Variants in FBXL5 observed in about 807,000 individuals in gnomAD.
FBXL5 encodes the protein F-box and leucine rich repeat protein 5, also known as F-box/LRR-repeat protein 5.
In FBXL5, 26 loss-of-function variants were observed where a neutral mutation model predicts 78.3. The observed-to-expected ratio is 0.33, with a 90% confidence interval of 0.24 to 0.46. The LOEUF is 0.46. Among genes scored for constraint, FBXL5 ranks in the 20% least tolerant of loss-of-function variants. The pLI, the probability that FBXL5 is intolerant of heterozygous loss-of-function variation, is 1.00. For missense variants in FBXL5, 710 were observed against 829.2 expected (o/e 0.86, Z 1.77); for synonymous variants, 295 against 282.5 (o/e 1.04, Z -0.45).
intron 3 of FBXL5, among the ~76,000 whole-genome samples, chr4:15,640,013 A>G (rs1232305629): frequency 1.3e-5 from 2 of 152,150 alleles, no homozygotes; most frequent in African/African-American, 4.8e-5. Context: ...ACCCTAATAC[A>G]TGTACAGTAG....
chr4:15,633,211 T>C (rs957672300), intron 5 of FBXL5, among the ~76,000 whole-genome samples: 14 of 152,220 alleles, frequency 9.2e-5, no homozygotes, highest in African/African-American at 2.4e-4. Context: ...AACAGAATAA[T>C]AACTACAAAA....
chr4:15,639,547 C>A (rs1253771441), intron 3 of FBXL5, among the ~76,000 whole-genome samples: 1 of 152,216 alleles, frequency 6.6e-6, no homozygotes, highest in Non-Finnish European at 1.5e-5. Flanking sequence ...GATGCTTAGT[C>A]TCAATCTCCA....
intron 9 of FBXL5, among the ~76,000 whole-genome samples, chr4:15,620,389 A>G (rs1350120305): frequency 2.0e-5 from 3 of 152,188 alleles, no homozygotes; most frequent in Admixed American, 2.0e-4. Flanking sequence ...AATCCCTATC[A>G]AAATCTCAAT....
chr4:15,652,447 A>C (rs1716199424), intron 1 of FBXL5, among the ~76,000 whole-genome samples: 1 of 152,172 alleles, frequency 6.6e-6, no homozygotes, highest in Admixed American at 6.5e-5. Context: ...AACTCAAAGC[A>C]CTGTTGTCTG....
upstream of FBXL5, among the ~76,000 whole-genome samples, chr4:15,659,447 T>C (rs1344399579): frequency 6.6e-6 from 1 of 152,220 alleles, no homozygotes; most frequent in African/African-American, 2.4e-5. Context: ...AACTGGGTAC[T>C]GGGTAAGATT....
At chr4:15,616,383 T>TCACTCCTGCCAGG (rs113065979) in intron 9 of FBXL5, among the ~76,000 whole-genome samples, 1 of 151,862 alleles carries the variant, frequency 6.6e-6, no homozygotes, top group Non-Finnish European at 1.5e-5. Context: ...AAGGCAGGTC[T>TCACTCCTGCCAGG]CACCCCCAAC....
intron 2 of FBXL5, among the ~76,000 whole-genome samples, chr4:15,643,112 A>T (rs1178029217): frequency 6.6e-6 from 1 of 152,226 alleles, no homozygotes; most frequent in Non-Finnish European, 1.5e-5. Flanking sequence ...TTCAATAAAA[A>T]AGTAAATCTC....
intron 1 of FBXL5, among the ~76,000 whole-genome samples, chr4:15,677,230 G>C (rs1329781790): frequency 6.6e-6 from 1 of 152,068 alleles, no homozygotes; most frequent in Non-Finnish European, 1.5e-5. Flanking sequence ...TGGATGCTGG[G>C]TATATATGTT....
intron 10 of FBXL5, among the ~76,000 whole-genome samples, chr4:15,610,580 T>C (rs1462565215): frequency 6.6e-6 from 1 of 152,086 alleles, no homozygotes; most frequent in Non-Finnish European, 1.5e-5. Flanking sequence ...TTAGAGGAAA[T>C]GCATAAGGAC....
intron 5 of FBXL5, among the ~76,000 whole-genome samples, chr4:15,634,196 CTTT>C (rs1215017832): frequency 6.7e-6 from 1 of 150,076 alleles, no homozygotes; most frequent in Middle Eastern, 3.2e-3. Context: ...TTTTTTTTTT[CTTT>C]TTAAGACAGA....
rs1159285015 is a variant in FBXL5 at position 15,625,683 on chromosome 4, A to G, written c.1419T>C (p.Asn473=). ...HPWTKPVSSE[N]FTSPYVWMLD... is the part of the protein sequence containing the mutation. ...ACATCCACACATAAGGAGAAGTGAAATTCTCAGAAGAAACAGGCTTAGTCC... is the reference window on the plus strand; with the variant it reads ...ACATCCACACATAAGGAGAAGTGAAGTTCTCAGAAGAAACAGGCTTAGTCC... The change falls in exon 9 of 11, where the codon AAT becomes AAC. Residue 473 remains asparagine (N), a synonymous_variant. Coordinates refer to ENST00000341285, the MANE Select transcript of FBXL5 (RefSeq NM_012161.4). 6.2e-7 allele frequency: 1 copy of G among 1,614,100 alleles called. No individual in the cohort carries two copies. Among genetic ancestry groups the G allele is most frequent in the Non-Finnish European group, 8.5e-7 (1 of 1,180,048 alleles).
At chr4:15,652,486 A>T (rs1479286273) in intron 1 of FBXL5, among the ~76,000 whole-genome samples, 1 of 152,172 alleles carries the variant, frequency 6.6e-6, no homozygotes, top group Non-Finnish European at 1.5e-5. Flanking sequence ...CCTTTCCATA[A>T]AACTTTTTAC....
At chr4:15,608,921 T>C (rs1722060563) in intron 10 of FBXL5, among the ~76,000 whole-genome samples, 3 of 152,138 alleles carry the variant, frequency 2.0e-5, no homozygotes, top group South Asian at 2.1e-4. Flanking sequence ...TATCACATTG[T>C]AGAAAACAGG....
intron 10 of FBXL5, among the ~76,000 whole-genome samples, chr4:15,606,026 A>G (rs567425161): frequency 6.6e-6 from 1 of 152,318 alleles, no homozygotes; most frequent in East Asian, 1.9e-4. Context: ...GGAAGAAGGG[A>G]AAAAAATAAT....
At chr4:15,680,222 T>C (rs1718169966) in intron 1 of FBXL5, among the ~76,000 whole-genome samples, 1 of 152,094 alleles carries the variant, frequency 6.6e-6, no homozygotes, top group South Asian at 2.1e-4. Flanking sequence ...ACCGGAAGGA[T>C]AAACAAGAAA....
intron 10 of FBXL5, among the ~76,000 whole-genome samples, chr4:15,609,617 C>A (rs905463487): frequency 2.0e-5 from 3 of 152,166 alleles, no homozygotes; most frequent in Non-Finnish European, 1.5e-5. Context: ...GCTATCATTG[C>A]TCAAATGTTC....
chr4:15,667,816 C>T (rs753373007), intron 1 of FBXL5, among the ~76,000 whole-genome samples: 2 of 151,974 alleles, frequency 1.3e-5, no homozygotes, highest in South Asian at 4.1e-4. Context: ...CCAATGTGGG[C>T]GGATCACCTG....
intron 9 of FBXL5, among the ~76,000 whole-genome samples, chr4:15,614,890 C>T (rs1181495119): frequency 6.6e-6 from 1 of 152,180 alleles, no homozygotes; most frequent in African/African-American, 2.4e-5. Flanking sequence ...AGCCCACTCC[C>T]TCAGCTTGCA....
intron 1 of FBXL5, among the ~76,000 whole-genome samples, chr4:15,665,178 A>G (rs1168442810): frequency 1.3e-5 from 2 of 152,164 alleles, no homozygotes; most frequent in African/African-American, 4.8e-5. Context: ...CTGCCAATGT[A>G]GGAAAGAATG....
Sources: gnomAD v4.1 joint callset for allele counts (sites outside exome capture counted in the v4.1 genomes callset) on GRCh38, gnomAD v4.1.1 for gene constraint, MANE v1.5 for transcripts, NCBI Gene and HGNC (gene_info 2026-07-23, HGNC 2026-07-21) for gene names.